WSCD1: variants seen among roughly 807,000 people sequenced by gnomAD.
The protein encoded by WSCD1 is WSC domain sialate O sulfotransferase 1, also known as sialate:O-sulfotransferase 1.
A neutral mutation model predicts 60.4 loss-of-function variants in WSCD1; 41 were observed. The observed-to-expected ratio is 0.68, with a 90% CI of 0.53 to 0.88. The LOEUF is 0.88. Among genes scored for constraint, WSCD1 ranks in the 40% least tolerant of loss-of-function variants. The pLI, the probability that WSCD1 is intolerant of heterozygous loss-of-function variation, is 0.00. For synonymous variants in WSCD1, 361 were observed against 332.5 expected, an observed-to-expected ratio of 1.09 and a Z score of -0.93; for missense variants, 784 against 796.2, an observed-to-expected ratio of 0.98 and a Z score of 0.18.
chr17:6,107,806 A>T (rs990704385), intron 5 of WSCD1, among the ~76,000 whole-genome samples: 2 of 152,206 alleles, frequency 1.3e-5, no homozygotes, highest in African/African-American at 4.8e-5. Flanking sequence ...TCATGAATTC[A>T]CATGACCGGG....
At chr17:6,092,086 G>A (rs1051054318) in intron 4 of WSCD1, among the ~76,000 whole-genome samples, 4 of 151,312 alleles carry the variant, frequency 2.6e-5, no homozygotes, top group Non-Finnish European at 2.9e-5. Flanking sequence ...CCCGGGAGGC[G>A]GAGGTTGCAG....
At position 6,104,968 on chromosome 17, in the gene WSCD1, T is replaced by C. The variant is rs1279678214; in HGVS notation, c.850-4639T>C. Among the ~76,000 whole-genome samples, 3 of 152,302 alleles carry C rather than the reference T, an allele frequency of 2.0e-5. No homozygotes were observed. In the East Asian group the frequency reaches 5.8e-4, roughly 29 times the overall value. On this transcript the variant is annotated intron_variant, in intron 5 of 8. Coordinates refer to ENST00000317744, the MANE Select transcript of WSCD1 (RefSeq NM_015253.2). Reference sequence around the variant, plus strand: ...TGTAACCCTGGGGATCCTAGAAAAGTGCTCAAGGAGGACTGAAGATGGAGG... The same window carrying C: ...TGTAACCCTGGGGATCCTAGAAAAGCGCTCAAGGAGGACTGAAGATGGAGG...
chr17:6,081,233 C>A, intron 2 of WSCD1, 148 bp downstream of exon 2: 2 of 1,027,896 alleles, frequency 1.9e-6, no homozygotes, highest in Non-Finnish European at 2.7e-6. Flanking sequence ...AAGGGGCCTG[C>A]GATGCGAAGT....
At chr17:6,120,274 C>T (rs745663759) in intron 8 of WSCD1, 35 bp from the exon 9 acceptor site, 2 of 1,589,870 alleles carry the variant, frequency 1.3e-6, no homozygotes, top group Non-Finnish European at 1.7e-6. Flanking sequence ...GCAGGGCCAG[C>T]CCCCGACTCT....
rs563460122 is a variant in WSCD1, at chr17:6,121,123, G to A, written c.*462G>A. 22 of 175,636 alleles carry A rather than the reference G, an allele frequency of 1.3e-4. No individual in the cohort carries two copies. The highest frequency in any genetic ancestry group is 3.3e-4 in the East Asian group (2 of 6,080). The allele number at this position is 175,636 out of a possible 1,614,324, so 10.9% of individuals were successfully genotyped here. On this transcript the variant is annotated 3_prime_UTR_variant, in exon 9 of 9. Transcript: ENST00000317744. ...GTGTAGCCCTGGCATAGACTTGCTC[G>A]TCAGGGTGTTCGACTCTGGGATGCT...
chr17:6,080,844 G>A lies in WSCD1; in HGVS notation c.186G>A (p.Leu62=), dbSNP rs1207221580. The change falls in exon 2 of 9, where the codon CTG becomes CTA. Residue 62 remains leucine, a synonymous_variant. Transcript: ENST00000317744. The surrounding 1 kb of genome is among the most constrained non-coding windows in gnomAD (Gnocchi z 6.6). ...CCTTGCCAGTGGCCGCCGTGGCGCT[G>A]GGCGTGGGCTTGCTGGACAGCAGAG... The part of the protein sequence containing the change: ...LQTLPVAAVA[L]GVGLLDSRAL... 3 of 1,607,016 alleles carry A rather than the reference G, an allele frequency of 1.9e-6. No homozygotes were observed. The highest frequency in any genetic ancestry group is 2.5e-6 in the Non-Finnish European group (3 of 1,178,410).
chr17:6,118,407 G>A lies in WSCD1; in HGVS notation c.1375+219G>A, dbSNP rs371108309. On this transcript the variant is annotated intron_variant, in intron 8 of 8. Coordinates refer to ENST00000317744, the MANE Select transcript of WSCD1 (RefSeq NM_015253.2). This position sits in a 1 kb window ranked among gnomAD's most constrained non-coding sequence, Gnocchi z 5.8. ...CCCCCATGCCTGCTGAGGTCCATACGCCAAGGCATTTTACTTAGATGCCAG... is the reference window on the plus strand; with the variant it reads ...CCCCCATGCCTGCTGAGGTCCATACACCAAGGCATTTTACTTAGATGCCAG... 5.1e-3 allele frequency among the ~76,000 whole-genome samples: 772 copies of A among 152,252 alleles called. 4 individuals carry two copies. The highest frequency in any genetic ancestry group is 8.0e-3 in the Non-Finnish European group (543 of 68,014).
rs111930086 is a variant in WSCD1 at position 6,111,700 on chromosome 17, CAAAAA to C, written c.1174+785_1174+789del. Among the ~76,000 whole-genome samples, 401 of 41,228 alleles carry C rather than the reference CAAAAA, an allele frequency of 9.7e-3. 2 individuals carry two copies. The highest frequency in any genetic ancestry group is 0.033 in the African/African-American group (389 of 11,846). The allele number at this position is 41,228 out of a possible 152,430, so 27.0% of individuals were successfully genotyped here. On this transcript the variant is annotated intron_variant, in intron 7 of 8. Coordinates refer to ENST00000317744, the MANE Select transcript of WSCD1 (RefSeq NM_015253.2). The stretch of plus-strand genomic sequence containing the variant: ...TGGGCAACAGAGTGACACTCCGTCT[CAAAAA>C]AAAAAAAAAAAAAAAAAAAGAGCAA...
At position 6,110,776 on chromosome 17, in the gene WSCD1, C is replaced by T. The variant is rs781633894; in HGVS notation, c.1015C>T (p.Arg339Cys). Reference sequence around the variant, plus strand: ...GATGACTTTTGGACTTTCAGACACTCGTTGTACAGACAGGAGGTTCCTGCC... The same window carrying T: ...GATGACTTTTGGACTTTCAGACACTTGTTGTACAGACAGGAGGTTCCTGCC... ...EVYQTPVQDT[R>C]CTDRRFLPNK... is the part of the protein sequence containing the mutation. Residue 339 changes from arginine to cysteine, a missense_variant, in exon 7 of 9, where the codon CGT becomes TGT. Physicochemically the swap from Arg to Cys is radical, Grantham distance 180. Coordinates refer to ENST00000317744, the MANE Select transcript of WSCD1 (RefSeq NM_015253.2). This position sits in a 1 kb window ranked among gnomAD's most constrained non-coding sequence, Gnocchi z 4.8. 5 of 1,611,630 alleles carry T rather than the reference C, an allele frequency of 3.1e-6. No individual in the cohort carries two copies. The highest frequency in any genetic ancestry group is 1.1e-5 in the South Asian group (1 of 90,876).
chr17:6,080,560 G>T lies in WSCD1; in HGVS notation c.-99G>T, dbSNP rs958450022. The T allele has an allele frequency of 6.1e-6, 8 of 1,313,090 alleles. No homozygotes were observed. The highest frequency in any genetic ancestry group is 8.5e-6 in the Non-Finnish European group (8 of 938,184). 81.3% of individuals were successfully genotyped at this position (1,313,090 alleles called of 1,614,324 possible). ...GAGCACAGGCAGGTGCCAGGAGCCA[G>T]GATGCAAGGATGACGCCTCCGGAGG... On this transcript the variant is annotated 5_prime_UTR_variant, in exon 2 of 9. The change creates a new upstream start codon in the 5' untranslated region. Coordinates refer to ENST00000317744, the MANE Select transcript of WSCD1 (RefSeq NM_015253.2). The surrounding 1 kb of genome is among the most constrained non-coding windows in gnomAD (Gnocchi z 6.6).
At chr17:6,100,601 C>G (rs776545139) in intron 5 of WSCD1, among the ~76,000 whole-genome samples, 2 of 152,236 alleles carry the variant, frequency 1.3e-5, no homozygotes, top group Non-Finnish European at 2.9e-5. Flanking sequence ...TGACTTCACT[C>G]TAGAGCAGGG....
chr17:6,120,706 A>G lies in WSCD1; in HGVS notation c.*45A>G, dbSNP rs757455697. The G allele has an allele frequency of 5.8e-6, 9 of 1,558,208 alleles. No homozygotes were observed. The highest frequency in any genetic ancestry group is 7.8e-6 in the Non-Finnish European group (9 of 1,148,616). ...CGCCCCCGCTGAGTGACGCAATCGC[A>G]CCACGGGGCTGCGCTCCCCACTCTG... On this transcript the variant is annotated 3_prime_UTR_variant, in exon 9 of 9. Coordinates refer to ENST00000317744, the MANE Select transcript of WSCD1 (RefSeq NM_015253.2).
At chr17:6,081,715 A>G (rs1280551217) in intron 2 of WSCD1, among the ~76,000 whole-genome samples, 1 of 148,812 alleles carries the variant, frequency 6.7e-6, no homozygotes, top group African/African-American at 2.5e-5. Flanking sequence ...AAAAAAAAGA[A>G]AAAAAAAAAA....
At position 6,095,082 on chromosome 17, in the gene WSCD1, A is replaced by T; in HGVS notation, c.728-20A>T. On this transcript the variant is annotated intron_variant, in intron 4 of 8. Transcript: ENST00000317744. ...AACTGGACACCATCTCTTACCAGAA[A>T]CCCCTCTCTTTTCCCCCAGGGCGGA... 2 of 1,600,506 alleles carry T rather than the reference A, an allele frequency of 1.2e-6. No homozygotes were observed. The highest frequency in any genetic ancestry group is 1.7e-6 in the Non-Finnish European group (2 of 1,174,210).
intron 4 of WSCD1, among the ~76,000 whole-genome samples, 197 bp downstream of exon 4, chr17:6,090,702 T>G (rs1436124178): frequency 6.6e-6 from 1 of 152,090 alleles, no homozygotes; most frequent in Non-Finnish European, 1.5e-5. Context: ...CTTAACTGCT[T>G]GAGTTCATGA....
In WSCD1 at chr17:6,077,159, G is replaced by A. The variant is rs558137472; in HGVS notation, c.-288-3212G>A. ...GCTGGAGTGCAGTGGTGTGATCTTG[G>A]CTCACTGCAACCTCCGCCTCCCAGG... On this transcript the variant is annotated intron_variant, in intron 1 of 8. Transcript: ENST00000317744. Among the ~76,000 whole-genome samples the A allele has an allele frequency of 6.0e-4, 90 of 150,730 alleles. 1 individual carries two copies. Among genetic ancestry groups the A allele is most frequent in the African/African-American group, 2.1e-3 (85 of 40,906 alleles).
chr17:6,118,269 C>T lies in WSCD1; in HGVS notation c.1375+81C>T. On this transcript the variant is annotated intron_variant, in intron 8 of 8. Coordinates refer to ENST00000317744, the MANE Select transcript of WSCD1 (RefSeq NM_015253.2). The surrounding 1 kb of genome is among the most constrained non-coding windows in gnomAD (Gnocchi z 5.8). ...CATCAGGATGCAGGATCAATTTACACAGGTAGGCACTGCAGGATGCAGGAT... is the reference window on the plus strand; with the variant it reads ...CATCAGGATGCAGGATCAATTTACATAGGTAGGCACTGCAGGATGCAGGAT... The T allele has an allele frequency of 2.1e-6, 3 of 1,425,736 alleles. No individual in the cohort carries two copies. The highest frequency in any genetic ancestry group is 2.9e-6 in the Non-Finnish European group (3 of 1,037,732). 88.3% of individuals were successfully genotyped at this position (1,425,736 alleles called of 1,614,324 possible).
rs1012201581 is a variant in WSCD1, at chr17:6,121,076, C to T, written c.*415C>T. Reference sequence around the variant, plus strand: ...AGATACACGTGCGCTCCCTGGGATCCGGGAGGCCCTGGGCTTCCTGTGTGT... The same window carrying T: ...AGATACACGTGCGCTCCCTGGGATCTGGGAGGCCCTGGGCTTCCTGTGTGT... On this transcript the variant is annotated 3_prime_UTR_variant, in exon 9 of 9. Coordinates refer to ENST00000317744, the MANE Select transcript of WSCD1 (RefSeq NM_015253.2). 1.4e-4 allele frequency: 28 copies of T among 193,400 alleles called. No homozygotes were observed. Among genetic ancestry groups the T allele is most frequent in the Admixed American group, 4.9e-4 (9 of 18,212 alleles). 12.0% of individuals were successfully genotyped at this position (193,400 alleles called of 1,614,324 possible). A position where few individuals can be genotyped will look rare whatever the true frequency, so the allele number is the denominator to read the frequency against.
intron 5 of WSCD1, among the ~76,000 whole-genome samples, chr17:6,099,815 T>C (rs1222991176): frequency 6.6e-6 from 1 of 152,314 alleles, no homozygotes; most frequent in East Asian, 1.9e-4. Flanking sequence ...CGGGGTTTTC[T>C]CTTTGTTCAA....
Sources: gnomAD v4.1 joint callset for allele counts (sites outside exome capture counted in the v4.1 genomes callset) on GRCh38, gnomAD v4.1.1 for gene constraint, Gnocchi (gnomAD v3.1) non-coding constraint, MANE v1.5 for transcripts, NCBI Gene and HGNC (gene_info 2026-07-23, HGNC 2026-07-21) for gene names.